The following THADA variants were observed in gnomAD, a reference collection of about 807,000 sequenced individuals.
THADA encodes THADA armadillo repeat containing, also known as tRNA (32-2'-O)-methyltransferase regulator THADA.
THADA carries 213 observed loss-of-function variants against 219.8 expected under a neutral mutation model. The ratio of observed to expected loss-of-function variants is 0.97; its 90% CI spans 0.87 to 1.09. The LOEUF (loss-of-function observed/expected upper bound fraction) is 1.09, where lower values mean the gene tolerates loss of function less well. Ranked by LOEUF, THADA falls within the 50% of genes least tolerant of loss-of-function variation. THADA has a pLI of 0.00. For missense variants in THADA, 2,956 were observed against 2,311.3 expected (o/e 1.28, Z -5.72); for synonymous variants, 1,018 against 828.9 (o/e 1.23, Z -3.92).
At chr2:43,499,133 C>T (rs879701977) in intron 24 of THADA, among the ~76,000 whole-genome samples, 178 bp from the exon 25 acceptor site, 12 of 152,078 alleles carry the variant, frequency 7.9e-5, no homozygotes, top group Non-Finnish European at 1.5e-4. Flanking sequence ...AACCATTTTA[C>T]AAAAAATTAG....
chr2:43,477,205 A>C (rs1573848885), intron 26 of THADA, among the ~76,000 whole-genome samples: 2 of 152,124 alleles, frequency 1.3e-5, no homozygotes, highest in East Asian at 3.9e-4. Flanking sequence ...GTATTCCCCA[A>C]ACTGTTGGAT....
chr2:43,389,842 G>C (rs1292889853), intron 29 of THADA, among the ~76,000 whole-genome samples: 1 of 152,196 alleles, frequency 6.6e-6, no homozygotes, highest in Non-Finnish European at 1.5e-5. Context: ...CCTCTCAGAT[G>C]TGTGATCTCG....
At chr2:43,592,535 C>G (rs1701686023) in intron 1 of THADA, 119 bp from the exon 2 acceptor site, 2 of 570,184 alleles carry the variant, frequency 3.5e-6, no homozygotes, top group South Asian at 5.5e-5. Context: ...TTTCATGCAT[C>G]CCCATCTCTA....
At chr2:43,349,637 C>T (rs746790162) in intron 29 of THADA, among the ~76,000 whole-genome samples, 3 of 152,058 alleles carry the variant, frequency 2.0e-5, no homozygotes, top group Non-Finnish European at 2.9e-5. Flanking sequence ...GCTCCAGAAA[C>T]CAGCAGGATC....
chr2:43,467,280 C>T (rs1026288185), intron 26 of THADA, among the ~76,000 whole-genome samples: 3 of 149,524 alleles, frequency 2.0e-5, no homozygotes, highest in African/African-American at 7.4e-5. Context: ...AGAAAAAAAA[C>T]CTTTCATGTA....
chr2:43,390,944 G>A (rs1673299689), intron 29 of THADA, among the ~76,000 whole-genome samples: 1 of 152,184 alleles, frequency 6.6e-6, no homozygotes, highest in Admixed American at 6.5e-5. Context: ...CAGAGAAGCA[G>A]TATACTACAG....
At chr2:43,241,126 C>G (rs1668578887) in intron 36 of THADA, among the ~76,000 whole-genome samples, 3 of 152,118 alleles carry the variant, frequency 2.0e-5, no homozygotes, top group African/African-American at 7.2e-5. Flanking sequence ...GGGTCTCACT[C>G]TGTCGCCCAG....
At position 43,551,843 on chromosome 2, in the gene THADA, G is replaced by C. The variant is rs1177681931; in HGVS notation, c.2893C>G (p.Pro965Ala). The C allele has an allele frequency of 6.2e-7, 1 of 1,613,712 alleles. No individual in the cohort carries two copies. The highest frequency in any genetic ancestry group is 8.5e-7 in the Non-Finnish European group (1 of 1,179,848). ...TCAGGGGATGAGCTCTGAATGACTG[G>C]AGACACCACAGTGGAAAGCCTGTAG... ...MSYRLSTVVSPVIQSSSPEGL... is the reference protein window; with the variant it reads ...MSYRLSTVVSAVIQSSSPEGL... The change falls in exon 19 of 38, where the codon CCA (proline) becomes GCA (alanine). Residue 965 changes from proline (P) to alanine (A), a missense_variant. Pro to Ala is a conservative substitution (Grantham distance 27, BLOSUM62 -1). Transcript: ENST00000405975.
chr2:43,571,305 G>A (rs1349536283), intron 13 of THADA, among the ~76,000 whole-genome samples: 1 of 148,456 alleles, frequency 6.7e-6, no homozygotes. Context: ...AGGCTGGAGT[G>A]CAGTGGTACA....
At chr2:43,580,425 A>ACATGGTG (rs1355762573) in intron 8 of THADA, among the ~76,000 whole-genome samples, 3 of 152,210 alleles carry the variant, frequency 2.0e-5, no homozygotes, top group African/African-American at 7.2e-5. Flanking sequence ...CCTCTTTTAA[A>ACATGGTG]AAGTAAATAA....
At position 43,373,656 on chromosome 2, in the gene THADA, T is replaced by C. The variant is rs191393683; in HGVS notation, c.4227+24315A>G. ...CAGGCCTGGCTAATTTTTGTATTTT[T>C]AGTAGAGATGGGGTTTCACCATGTT... On this transcript the variant is annotated intron_variant, in intron 29 of 37. Coordinates refer to ENST00000405975, the MANE Select transcript of THADA (RefSeq NM_022065.5). 7.2e-5 allele frequency among the ~76,000 whole-genome samples: 11 copies of C among 152,244 alleles called. No homozygotes were observed. In the East Asian group the frequency reaches 1.7e-3, roughly 24 times the overall value.
intron 25 of THADA, among the ~76,000 whole-genome samples, chr2:43,488,036 C>T (rs1687125162): frequency 6.6e-6 from 1 of 152,010 alleles, no homozygotes. Flanking sequence ...AAAGTTTTTC[C>T]TCATCTGCTA....
intron 25 of THADA, among the ~76,000 whole-genome samples, chr2:43,486,261 T>C (rs113925878): frequency 0.037 from 5,576 of 152,252 alleles, 153 homozygotes; most frequent in Middle Eastern, 0.071. Flanking sequence ...GAGGCAGGAA[T>C]TACCATGAAT....
chr2:43,576,935 A>T, intron 10 of THADA, 87 bp downstream of exon 10: 1 of 1,208,148 alleles, frequency 8.3e-7, no homozygotes, highest in Non-Finnish European at 1.2e-6. Flanking sequence ...CTGGGATTAG[A>T]GGCACAAGCC....
chr2:43,574,935 C>T lies in THADA; in HGVS notation c.1130G>A (p.Ser377Asn). Residue 377 changes from serine (S) to asparagine (N), a missense_variant, in exon 11 of 38, where the codon AGC (serine) becomes AAC (asparagine). Ser to Asn is a conservative substitution (Grantham distance 46, BLOSUM62 1). Coordinates refer to ENST00000405975, the MANE Select transcript of THADA (RefSeq NM_022065.5). ...ATTCCCATTCAGGCTGTCCGTTAGG[C>T]TCGGGGAACTTGATTCAAGGACTTG... is the stretch of plus-strand genomic sequence containing the variant. ...AIQVLESSSPSLTDSLNGNSS... is the reference protein window; with the variant it reads ...AIQVLESSSPNLTDSLNGNSS... The T allele has an allele frequency of 1.2e-6, 2 of 1,613,994 alleles. No homozygotes were observed. The highest frequency in any genetic ancestry group is 4.5e-5 in the East Asian group (2 of 44,886).
intron 26 of THADA, among the ~76,000 whole-genome samples, chr2:43,438,469 C>T (rs1358463134): frequency 6.6e-6 from 1 of 152,020 alleles, no homozygotes; most frequent in African/African-American, 2.4e-5. Context: ...TCTTGAAAGT[C>T]AGAGATGTGT....
At chr2:43,397,919 AAAGT>A in intron 29 of THADA, 48 bp downstream of exon 29, 1 of 1,589,180 alleles carries the variant, frequency 6.3e-7, no homozygotes, top group Non-Finnish European at 8.6e-7. Flanking sequence ...ATAAGAAACC[AAAGT>A]TCATCTTATG....
At chr2:43,372,875 TG>T (rs1222307930) in intron 29 of THADA, among the ~76,000 whole-genome samples, 1 of 152,200 alleles carries the variant, frequency 6.6e-6, no homozygotes, top group Non-Finnish European at 1.5e-5. Context: ...GCTAATTTTT[TG>T]TATCTTTAGT....
intron 28 of THADA, among the ~76,000 whole-genome samples, chr2:43,407,924 A>AT (rs59773299): frequency 0.088 from 13,313 of 152,118 alleles, 635 homozygotes; most frequent in Non-Finnish European, 0.1. Flanking sequence ...TCCTGTGCCA[A>AT]TTTTTTTGTT....
Sources: allele counts gnomAD v4.1 joint callset (sites outside exome capture counted in the v4.1 genomes callset), GRCh38; gene constraint gnomAD v4.1.1; transcripts MANE v1.5; gene names NCBI Gene and HGNC (gene_info 2026-07-23, HGNC 2026-07-21).